PTGS2: variants seen among roughly 807,000 people sequenced by gnomAD.
PTGS2 encodes the protein prostaglandin G/H synthase 2.
PTGS2 carries 14 observed loss-of-function variants against 63.8 expected under a neutral mutation model. That is an observed-to-expected ratio of 0.22 (90% confidence interval 0.14 to 0.34). The LOEUF (loss-of-function observed/expected upper bound fraction) is 0.34, where lower values mean the gene tolerates loss of function less well. PTGS2 is among the 10% of genes least tolerant of loss of function. The pLI, the probability that PTGS2 is intolerant of heterozygous loss-of-function variation, is 1.00. For missense variants in PTGS2, 533 were observed against 738.5 expected, an observed-to-expected ratio of 0.72 and a Z score of 3.23; for synonymous variants, 271 against 259.5, an observed-to-expected ratio of 1.04 and a Z score of -0.43.
In PTGS2 at chr1:186,679,459, A is replaced by G. The variant is rs1465253820; in HGVS notation, c.53-21T>C. On this transcript the variant is annotated intron_variant, in intron 1 of 9. Transcript: ENST00000367468. ...ATTTGCTGCAATTAAAGGACAGCAAATAAATCATTCTCTAGTGTCTTAATC... is the reference window on the plus strand; with the variant it reads ...ATTTGCTGCAATTAAAGGACAGCAAGTAAATCATTCTCTAGTGTCTTAATC... 8 of 1,528,778 alleles carry G rather than the reference A, an allele frequency of 5.2e-6. No individual in the cohort carries two copies. In the African/African-American group the frequency reaches 1.1e-4, roughly 21 times the overall value. The allele number at this position is 1,528,778 out of a possible 1,614,324, so 94.7% of individuals were successfully genotyped here.
At position 186,672,912 on chromosome 1, in the gene PTGS2, T is replaced by C. The variant is rs1158460747; in HGVS notation, c.*1441A>G. On this transcript the variant is annotated 3_prime_UTR_variant, in exon 10 of 10. Transcript: ENST00000367468. ...AAGGGCCTTTTTTTTTCTCTTTTAA[T>C]CTTCTTAAGAGGAGCTAAATAGCAG... 6.6e-6 allele frequency: 1 copy of C among 152,070 alleles called. No individual in the cohort carries two copies. The highest frequency in any genetic ancestry group is 1.9e-4 in the East Asian group (1 of 5,188). 9.4% of individuals were successfully genotyped at this position (152,070 alleles called of 1,614,324 possible). A position where few individuals can be genotyped will look rare whatever the true frequency, so the allele number is the denominator to read the frequency against.
chr1:186,677,751 G>A lies in PTGS2; in HGVS notation c.537C>T (p.Gly179=), dbSNP rs148479703. ...LRRKFIPDPQ[G]SNMMFAFFAQ... Reference sequence around the variant, plus strand: ...CAAAGAATGCAAACATCATGTTTGAGCCCTGGGGATCAGGGATGAACTTTC... The same window carrying A: ...CAAAGAATGCAAACATCATGTTTGAACCCTGGGGATCAGGGATGAACTTTC... Residue 179 remains glycine (G), a synonymous_variant, in exon 5 of 10, where the codon GGC becomes GGT. Coordinates refer to ENST00000367468, the MANE Select transcript of PTGS2 (RefSeq NM_000963.4). The A allele has an allele frequency of 3.2e-5, 51 of 1,613,750 alleles. No homozygotes were observed. The highest frequency in any genetic ancestry group is 4.1e-5 in the Non-Finnish European group (48 of 1,179,860).
rs200209794 is a variant in PTGS2 at position 186,680,317 on chromosome 1, G to C, written c.-27C>G. 223 of 1,528,134 alleles carry C rather than the reference G, an allele frequency of 1.5e-4. No individual in the cohort carries two copies. Among genetic ancestry groups the C allele is most frequent in the Non-Finnish European group, 1.8e-4 (205 of 1,135,514 alleles). 94.7% of individuals were successfully genotyped at this position (1,528,134 alleles called of 1,614,324 possible). A position where few individuals can be genotyped will look rare whatever the true frequency, so the allele number is the denominator to read the frequency against. ...GCAGCGGCGGGCAGGGCGCGGCGCG[G>C]GGGTAGGCTTTGCTGTCTGAGGGCG... On this transcript the variant is annotated 5_prime_UTR_variant, in exon 1 of 10. Coordinates refer to ENST00000367468, the MANE Select transcript of PTGS2 (RefSeq NM_000963.4).
chr1:186,680,137 G>A (rs936161736), intron 1 of PTGS2, 102 bp downstream of exon 1: 57 of 1,493,970 alleles, frequency 3.8e-5, no homozygotes, highest in Admixed American at 2.5e-4. Flanking sequence ...TTCTCTATTC[G>A]GAGAGAAGTC....
At chr1:186,675,793 A>G (rs933830171) in intron 8 of PTGS2, 105 bp downstream of exon 8, 12 of 1,169,588 alleles carry the variant, frequency 1.0e-5, no homozygotes, top group Admixed American at 3.0e-5. Context: ...TACTAGCAAT[A>G]TAACTAACTA....
Position 186,680,148 on chromosome 1 carries a change from G to A in PTGS2, c.52+91C>T, listed in dbSNP as rs1184524547. ...TAGCTTCTCTATTCGGAGAGAAGTC[G>A]GAGTACTGGGATAGACCCAGGAGGT... is the stretch of plus-strand genomic sequence containing the variant. On this transcript the variant is annotated intron_variant, in intron 1 of 9. Coordinates refer to ENST00000367468, the MANE Select transcript of PTGS2 (RefSeq NM_000963.4). 5.9e-6 allele frequency: 9 copies of A among 1,525,634 alleles called. No homozygotes were observed. The African/African-American group carries it at 9.7e-5, about 16-fold the overall frequency. 94.5% of individuals were successfully genotyped at this position (1,525,634 alleles called of 1,614,324 possible).
intron 3 of PTGS2, among the ~76,000 whole-genome samples, chr1:186,678,654 T>A (rs1665823572): frequency 6.6e-6 from 1 of 152,202 alleles, no homozygotes; most frequent in Non-Finnish European, 1.5e-5. Flanking sequence ...CTGCTCACTA[T>A]CCAAGAGGCC....
Position 186,675,348 on chromosome 1 carries a change from C to G in PTGS2, c.1306G>C (p.Ala436Pro). Residue 436 changes from alanine (A) to proline (P), a missense_variant, in exon 9 of 10, where the codon GCT becomes CCT. This residue lies in a region of PTGS2 where 219 missense variants were observed against 267.4 expected (regional missense o/e 0.82). Coordinates refer to ENST00000367468, the MANE Select transcript of PTGS2 (RefSeq NM_000963.4). ...ATCTGCCTGCTCTGGTCAATGGAAG[C>G]CTGTGATACTTTCTGTACTGCGGGT... ...VPPAVQKVSQ[A>P]SIDQSRQMKY... is the part of the protein sequence containing the mutation. The G allele has an allele frequency of 6.2e-7, 1 of 1,614,164 alleles. No individual in the cohort carries two copies. Among genetic ancestry groups the G allele is most frequent in the Non-Finnish European group, 8.5e-7 (1 of 1,180,032 alleles).
Position 186,676,561 on chromosome 1 carries a change from C to T in PTGS2, c.876G>A (p.Leu292=), listed in dbSNP as rs201837693. 14 of 1,614,044 alleles carry T rather than the reference C, an allele frequency of 8.7e-6. No homozygotes were observed. The highest frequency in any genetic ancestry group is 1.0e-5 in the Non-Finnish European group (12 of 1,180,044). The change falls in exon 7 of 10, where the codon CTG becomes CTA. Residue 292 remains leucine, a synonymous_variant. Coordinates refer to ENST00000367468, the MANE Select transcript of PTGS2 (RefSeq NM_000963.4). ...CATCGCATACTCTGTTGTGTTCCCG[C>T]AGCCAGATTGTGGCATACATCATCA... ...PGLMMYATIW[L]REHNRVCDVL...
chr1:186,679,044 A>G lies in PTGS2; in HGVS notation c.313+14T>C. 1 of 1,605,416 alleles carries G rather than the reference A, an allele frequency of 6.2e-7. No individual in the cohort carries two copies. Among genetic ancestry groups the G allele is most frequent in the Non-Finnish European group, 8.5e-7 (1 of 1,177,346 alleles). On this transcript the variant is annotated intron_variant, in intron 3 of 9. Transcript: ENST00000367468. ...TGAGAAGGCTAAAAACCTTAGAAAG[A>G]CACTTGTACTTACATGTCAACACAT... is the stretch of plus-strand genomic sequence containing the variant.
chr1:186,675,768 T>C (rs963105155), intron 8 of PTGS2, 130 bp downstream of exon 8: 8 of 1,011,386 alleles, frequency 7.9e-6, no homozygotes, highest in East Asian at 5.3e-5. Flanking sequence ...GCTTCTTATA[T>C]CAATAAAATA....
rs1210299227 is a variant in PTGS2, at chr1:186,674,703, G to T, written c.1465C>A (p.Leu489Met). 6.2e-7 allele frequency: 1 copy of T among 1,614,192 alleles called. No individual in the cohort carries two copies. The stretch of plus-strand genomic sequence containing the variant: ...TTTTCTACCAGAAGGGCAGGATACA[G>T]CTCCACAGCATCGATGTCACCATAG... ...ALYGDIDAVE[L>M]YPALLVEKPR... The change falls in exon 10 of 10, where the codon CTG becomes ATG. Residue 489 changes from leucine to methionine, a missense_variant. Leu to Met is a conservative substitution (Grantham distance 15, BLOSUM62 2). This residue lies in a region of PTGS2 where 219 missense variants were observed against 267.4 expected (regional missense o/e 0.82). Coordinates refer to ENST00000367468, the MANE Select transcript of PTGS2 (RefSeq NM_000963.4).
In PTGS2 at chr1:186,676,960, T is replaced by A; in HGVS notation, c.640-44A>T. 2.8e-6 allele frequency: 4 copies of A among 1,439,012 alleles called. No homozygotes were observed. The South Asian group carries it at 4.9e-5, about 18-fold the overall frequency. 89.1% of individuals were successfully genotyped at this position (1,439,012 alleles called of 1,614,324 possible). A position where few individuals can be genotyped will look rare whatever the true frequency, so the allele number is the denominator to read the frequency against. On this transcript the variant is annotated intron_variant, in intron 5 of 9. Transcript: ENST00000367468. ...ATTTTAATTTGTTGCTGTTGAAGTT[T>A]TTCTTATATAAAGTGTCTATCATAT...
In PTGS2 at chr1:186,680,279, G is replaced by A; in HGVS notation, c.12C>T (p.Arg4=). MLA[R]ALLLCAVLAL... ...CCAGGACCGCGCACAGCAGCAGGGC[G>A]CGGGCGAGCATCGCAGCGGCGGGCA... is the stretch of plus-strand genomic sequence containing the variant. The change falls in exon 1 of 10, where the codon CGC becomes CGT. Residue 4 remains arginine (R), a synonymous_variant. Transcript: ENST00000367468. 1.3e-6 allele frequency: 2 copies of A among 1,544,476 alleles called. No individual in the cohort carries two copies. The highest frequency in any genetic ancestry group is 1.2e-5 in the South Asian group (1 of 83,718).
intron 1 of PTGS2, 27 bp downstream of exon 1, chr1:186,680,212 C>A: frequency 6.5e-7 from 1 of 1,549,274 alleles, no homozygotes; most frequent in Non-Finnish European, 8.7e-7. Context: ...GAACCGGAGT[C>A]CCCGGTGCGC....
At position 186,674,646 on chromosome 1, in the gene PTGS2, T is replaced by C; in HGVS notation, c.1522A>G (p.Met508Val). The C allele has an allele frequency of 6.2e-7, 1 of 1,614,230 alleles. No homozygotes were observed. The highest frequency in any genetic ancestry group is 1.1e-5 in the South Asian group (1 of 91,088). ...PRPDAIFGET[M>V]VEVGAPFSLK... ...GAGAATGGTGCTCCAACTTCTACCA[T>C]GGTTTCACCAAAGATGGCATCTGGC... The change falls in exon 10 of 10, where the codon ATG (methionine) becomes GTG (valine). Residue 508 changes from methionine (M) to valine (V), a missense_variant. Coordinates refer to ENST00000367468, the MANE Select transcript of PTGS2 (RefSeq NM_000963.4).
In PTGS2 at chr1:186,676,928, T is replaced by G. The variant is rs779650117; in HGVS notation, c.640-12A>C. 3 of 1,594,526 alleles carry G rather than the reference T, an allele frequency of 1.9e-6. No individual in the cohort carries two copies. Among genetic ancestry groups the G allele is most frequent in the Non-Finnish European group, 2.6e-6 (3 of 1,170,852 alleles). ...TGATTTAAGTCCACCTAGAAAATGA[T>G]GAAAAAATTTTAATTTGTTGCTGTT... On this transcript the variant is annotated splice_polypyrimidine_tract_variant and intron_variant, in intron 5 of 9. Coordinates refer to ENST00000367468, the MANE Select transcript of PTGS2 (RefSeq NM_000963.4).
chr1:186,678,382 A>C lies in PTGS2; in HGVS notation c.336T>G (p.Ser112Arg). 6.2e-7 allele frequency: 1 copy of C among 1,607,052 alleles called. No individual in the cohort carries two copies. Among genetic ancestry groups the C allele is most frequent in the Non-Finnish European group, 8.5e-7 (1 of 1,176,690 alleles). ...VLTSRSHLID[S>R]PPTYNADYGY... is the part of the protein sequence containing the mutation. ...CATAGTCAGCATTGTAAGTTGGTGG[A>C]CTGTCAATCAAATGTGATCTGGCTG... is the stretch of plus-strand genomic sequence containing the variant. Residue 112 changes from serine (S) to arginine (R), a missense_variant, in exon 4 of 10, where the codon AGT (serine) becomes AGG (arginine). By Grantham distance (110) the Ser-to-Arg change is moderately radical (BLOSUM62 -1). Transcript: ENST00000367468.
At position 186,672,012 on chromosome 1, in the gene PTGS2, G is replaced by A. The variant is rs1050234311; in HGVS notation, c.*2341C>T. The A allele has an allele frequency of 1.4e-4, 21 of 151,604 alleles. No homozygotes were observed. Among genetic ancestry groups the A allele is most frequent in the African/African-American group, 3.9e-4 (16 of 41,292 alleles). 9.4% of individuals were successfully genotyped at this position (151,604 alleles called of 1,614,324 possible). A position where few individuals can be genotyped will look rare whatever the true frequency, so the allele number is the denominator to read the frequency against. On this transcript the variant is annotated 3_prime_UTR_variant, in exon 10 of 10. Transcript: ENST00000367468. ...TTTTTTTTAAAAAAAACAGTGAACAGTGTTTTATACAAGCATATTGACTAT... is the reference window on the plus strand; with the variant it reads ...TTTTTTTTAAAAAAAACAGTGAACAATGTTTTATACAAGCATATTGACTAT...
Sources: allele counts gnomAD v4.1 joint callset (sites outside exome capture counted in the v4.1 genomes callset), GRCh38; gene constraint gnomAD v4.1.1; regional missense constraint gnomAD v4.1.1; transcripts MANE v1.5; gene names NCBI Gene and HGNC (gene_info 2026-07-23, HGNC 2026-07-21).